DHX57: variants seen among roughly 807,000 people sequenced by gnomAD.
DHX57 encodes the protein putative ATP-dependent RNA helicase DHX57.
A neutral mutation model predicts 156.2 loss-of-function variants in DHX57; 105 were observed. That is an observed-to-expected ratio of 0.67 (90% CI 0.57 to 0.79). The LOEUF (loss-of-function observed/expected upper bound fraction) is 0.79. DHX57 is among the 30% of genes least tolerant of loss of function. The probability of loss-of-function intolerance (pLI) is 0.00; values close to 1 mark genes in which losing one functional copy is unlikely to be tolerated. For missense variants in DHX57, 1,847 were observed against 1,661.9 expected (o/e 1.11, Z -1.94); for synonymous variants, 704 against 595.6 (o/e 1.18, Z -2.65).
At chr2:38,840,910 C>CT in intron 12 of DHX57, among the ~76,000 whole-genome samples, 1 of 152,278 alleles carries the variant, frequency 6.6e-6, no homozygotes, top group African/African-American at 2.4e-5. Context: ...CCTTGAATCC[C>CT]TTTGCTCAAG....
At chr2:38,860,862 C>G (rs373486381) in intron 5 of DHX57, 137 bp downstream of exon 5, 1 of 716,982 alleles carries the variant, frequency 1.4e-6, no homozygotes, top group Non-Finnish European at 2.4e-6. Flanking sequence ...AATTCTCATT[C>G]CCTTTTGCCC....
chr2:38,843,091 G>T lies in DHX57; in HGVS notation c.2339C>A (p.Ser780Tyr). ...FEEVEEDLRLSLHLQDQDSVK... is the reference protein window; with the variant it reads ...FEEVEEDLRLYLHLQDQDSVK... ...AGAATCCTGATCCTGGAGGTGAAGG[G>T]AGAGCCTTAGGTCTTCTTCCACTTC... Residue 780 changes from serine to tyrosine, a missense_variant, in exon 12 of 24, where the codon TCC (serine) becomes TAC (tyrosine). By Grantham distance (144) the Ser-to-Tyr change is moderately radical. Transcript: ENST00000457308. The T allele has an allele frequency of 1.2e-6, 2 of 1,614,184 alleles. No individual in the cohort carries two copies. The highest frequency in any genetic ancestry group is 1.7e-6 in the Non-Finnish European group (2 of 1,180,024).
chr2:38,819,238 G>T (rs528257752), intron 17 of DHX57, 94 bp from the exon 18 acceptor site: 3 of 1,138,058 alleles, frequency 2.6e-6, no homozygotes, highest in Non-Finnish European at 3.9e-6. Flanking sequence ...GCAGTGGTGC[G>T]ATCATAGCCC....
At chr2:38,813,571 A>T (rs1168081024) in intron 21 of DHX57, among the ~76,000 whole-genome samples, 2 of 151,760 alleles carry the variant, frequency 1.3e-5, no homozygotes, top group Non-Finnish European at 2.9e-5. Flanking sequence ...ATGGGGTTTC[A>T]CCGTGTTAGC....
At chr2:38,865,531 T>C (rs950054282) in intron 2 of DHX57, among the ~76,000 whole-genome samples, 1 of 152,200 alleles carries the variant, frequency 6.6e-6, no homozygotes, top group Admixed American at 6.5e-5. Flanking sequence ...TATGTCCTTA[T>C]AGCAGCGTGA....
chr2:38,832,503 C>A (rs543501787), intron 13 of DHX57, among the ~76,000 whole-genome samples: 22 of 151,258 alleles, frequency 1.5e-4, no homozygotes, highest in African/African-American at 4.6e-4. Flanking sequence ...ATTCTCATTT[C>A]TCTTAAGTTC....
chr2:38,815,636 C>T lies in DHX57; in HGVS notation c.3491G>A (p.Arg1164Gln), dbSNP rs556108951. The T allele has an allele frequency of 3.7e-6, 6 of 1,614,070 alleles. No individual in the cohort carries two copies. The highest frequency in any genetic ancestry group is 1.3e-5 in the African/African-American group (1 of 74,998). Residue 1164 changes from arginine (R) to glutamine (Q), a missense_variant, in exon 20 of 24, where the codon CGA becomes CAA. Arg to Gln is a conservative substitution (Grantham distance 43, BLOSUM62 1). Coordinates refer to ENST00000457308, the MANE Select transcript of DHX57 (RefSeq NM_198963.3). ...ATCCGATAACAGTTCCGTGAATTGT[C>T]GTTTGAGGCTGGCCATTTCCTGAAA... Reference protein sequence around the residue: ...RVLQEMASLKRQFTELLSDIG... With the variant: ...RVLQEMASLKQQFTELLSDIG...
intron 5 of DHX57, 37 bp from the exon 6 acceptor site, chr2:38,858,873 C>T (rs1320143439): frequency 7.6e-6 from 12 of 1,569,504 alleles, no homozygotes; most frequent in Middle Eastern, 1.7e-4. Context: ...CAGTATGGAG[C>T]CCTTTCTTTA....
chr2:38,875,188 C>T (rs1482010059), intron 1 of DHX57, among the ~76,000 whole-genome samples: 1 of 152,170 alleles, frequency 6.6e-6, no homozygotes, highest in Non-Finnish European at 1.5e-5. Context: ...TTGTATAATC[C>T]ACGTGGTTAG....
chr2:38,803,106 T>A, intron 22 of DHX57, 191 bp from the exon 23 acceptor site: 1 of 595,424 alleles, frequency 1.7e-6, no homozygotes, highest in Non-Finnish European at 2.9e-6. Flanking sequence ...ATTTAATACA[T>A]ATCTCACACT....
At position 38,815,596 on chromosome 2, in the gene DHX57, C is replaced by G. The variant is rs770199232; in HGVS notation, c.3531G>C (p.Arg1177Ser). 4 of 1,614,018 alleles carry G rather than the reference C, an allele frequency of 2.5e-6. No homozygotes were observed. Among genetic ancestry groups the G allele is most frequent in the Non-Finnish European group, 3.4e-6 (4 of 1,180,040 alleles). The stretch of plus-strand genomic sequence containing the variant: ...CAATTTCCCTTGCTCTGAGCCCTTC[C>G]CTTGCAAACCCTATATCCGATAACA... ...TELLSDIGFA[R>S]EGLRAREIEK... The change falls in exon 20 of 24, where the codon AGG (arginine) becomes AGC (serine). Residue 1177 changes from arginine to serine, a missense_variant. Transcript: ENST00000457308.
chr2:38,802,861 G>C lies in DHX57; in HGVS notation c.3871C>G (p.Arg1291Gly). 1 of 1,614,012 alleles carries C rather than the reference G, an allele frequency of 6.2e-7. No homozygotes were observed. Among genetic ancestry groups the C allele is most frequent in the Non-Finnish European group, 8.5e-7 (1 of 1,180,014 alleles). ...LLYHEKIKTS[R>G]VFIRDCSMVS... ...ATGCTGCAGTCTCGGATGAATACTCGACTAGTTTTTATCTTCTCGTGGTAC... is the reference window on the plus strand; with the variant it reads ...ATGCTGCAGTCTCGGATGAATACTCCACTAGTTTTTATCTTCTCGTGGTAC... Residue 1291 changes from arginine to glycine, a missense_variant, in exon 23 of 24, where the codon CGA (arginine) becomes GGA (glycine). Physicochemically the swap from Arg to Gly is moderately radical, Grantham distance 125. Transcript: ENST00000457308.
At chr2:38,807,984 CTTG>C (rs1402383085) in intron 21 of DHX57, among the ~76,000 whole-genome samples, 2 of 73,774 alleles carry the variant, frequency 2.7e-5, no homozygotes, top group East Asian at 4.7e-4. Flanking sequence ...GAGATGGAGT[CTTG>C]TTGTGTCACC....
Position 38,861,763 on chromosome 2 carries a change from T to C in DHX57, c.647A>G (p.His216Arg). Residue 216 changes from histidine to arginine, a missense_variant, in exon 5 of 24, where the codon CAT becomes CGT. By Grantham distance (29) the His-to-Arg change is conservative. Transcript: ENST00000457308. ...CDGDVGASLE[H>R]LLTQCFSETF... is the part of the protein sequence containing the mutation. ...CTCTGAAAAACACTGGGTAAGGAGA[T>C]GCTCTAGTGATGCTCCCACATCTCC... 4 of 1,614,168 alleles carry C rather than the reference T, an allele frequency of 2.5e-6. No homozygotes were observed. The highest frequency in any genetic ancestry group is 3.4e-6 in the Non-Finnish European group (4 of 1,180,022).
intron 17 of DHX57, among the ~76,000 whole-genome samples, chr2:38,820,535 T>C (rs1259092559): frequency 1.3e-5 from 2 of 152,190 alleles, no homozygotes; most frequent in African/African-American, 4.8e-5. Flanking sequence ...GTTCACAAGG[T>C]TGATACTGTG....
chr2:38,838,928 T>C (rs1193044575), intron 12 of DHX57: 1 of 259,916 alleles, frequency 3.8e-6, no homozygotes, highest in Non-Finnish European at 7.7e-6. Context: ...GCTCTTTTAT[T>C]TTTTTATTTT....
chr2:38,851,618 A>C (rs1167619620), intron 9 of DHX57, among the ~76,000 whole-genome samples: 1 of 152,144 alleles, frequency 6.6e-6, no homozygotes, highest in Non-Finnish European at 1.5e-5. Flanking sequence ...TATTCTACAG[A>C]TCCTTAGGTT....
Position 38,827,485 on chromosome 2 carries a change from C to CAAAAA in DHX57, c.2640-801_2640-797dup, listed in dbSNP as rs1196817843. Among the ~76,000 whole-genome samples, 12 of 8,438 alleles carry CAAAAA rather than the reference C, an allele frequency of 1.4e-3. 1 individual carries two copies. The highest frequency in any genetic ancestry group is 0.017 in the South Asian group (1 of 60). The allele number at this position is 8,438 out of a possible 152,430, so 5.5% of individuals were successfully genotyped here. A position where few individuals can be genotyped will look rare whatever the true frequency, so the allele number is the denominator to read the frequency against. ...TGGGCCACAGAGCGAGACTCTGTCTCAAAAAAAAAAAAAAAAAAAAATATA... is the reference window on the plus strand; with the variant it reads ...TGGGCCACAGAGCGAGACTCTGTCTCAAAAAAAAAAAAAAAAAAAAAAAAAATATA... On this transcript the variant is annotated intron_variant, in intron 14 of 23. Coordinates refer to ENST00000457308, the MANE Select transcript of DHX57 (RefSeq NM_198963.3).
intron 15 of DHX57, 129 bp downstream of exon 15, chr2:38,826,387 G>T (rs1244719705): frequency 9.2e-7 from 1 of 1,082,118 alleles, no homozygotes. Flanking sequence ...ACACATCCAC[G>T]TACAGTTTTC....
Sources: gnomAD v4.1 joint callset for allele counts (sites outside exome capture counted in the v4.1 genomes callset) on GRCh38, gnomAD v4.1.1 for gene constraint, MANE v1.5 for transcripts, NCBI Gene and HGNC (gene_info 2026-07-23, HGNC 2026-07-21) for gene names.